KIF24: variants seen among roughly 807,000 people sequenced by gnomAD.
KIF24 encodes the protein kinesin-like protein KIF24.
A neutral mutation model predicts 118.9 loss-of-function variants in KIF24; 81 were observed. The observed-to-expected ratio is 0.68, with a 90% CI of 0.57 to 0.82. KIF24 has a LOEUF of 0.82. Among genes scored for constraint, KIF24 ranks in the 40% least tolerant of loss-of-function variants. The probability of loss-of-function intolerance (pLI) is 0.00; values close to 1 mark genes in which losing one functional copy is unlikely to be tolerated. For synonymous variants in KIF24, 599 were observed against 610.0 expected, an observed-to-expected ratio of 0.98 and a Z score of 0.27; for missense variants, 1,560 against 1,661.6, an observed-to-expected ratio of 0.94 and a Z score of 1.06.
At position 34,252,427 on chromosome 9, in the gene KIF24, C is replaced by A. The variant is rs1284330538; in HGVS notation, c.*1953G>T. ...TATTATGTTGTACATCATTAAAGAT[C>A]TAAATACAAAGGATATACAGTCTTG... On this transcript the variant is annotated 3_prime_UTR_variant, in exon 13 of 13. Transcript: ENST00000402558. The A allele has an allele frequency of 6.6e-6, 1 of 152,200 alleles. No individual in the cohort carries two copies. The highest frequency in any genetic ancestry group is 1.5e-5 in the Non-Finnish European group (1 of 68,014). The allele number at this position is 152,200 out of a possible 1,614,324, so 9.4% of individuals were successfully genotyped here.
At chr9:34,328,764 G>A (rs893935191) in intron 1 of KIF24, among the ~76,000 whole-genome samples, 1 of 152,206 alleles carries the variant, frequency 6.6e-6, no homozygotes, top group African/African-American at 2.4e-5. Flanking sequence ...CGGGCTTCCC[G>A]GAAGTAAACA....
Position 34,265,000 on chromosome 9 carries a change from T to C in KIF24, c.1444-1828A>G, listed in dbSNP as rs537976168. 3.3e-5 allele frequency among the ~76,000 whole-genome samples: 5 copies of C among 152,222 alleles called. No individual in the cohort carries two copies. In the East Asian group the frequency reaches 7.7e-4, roughly 23 times the overall value. On this transcript the variant is annotated intron_variant, in intron 8 of 12. Transcript: ENST00000402558. ...GTGCAAAATAGTGTTGAGAGTATGT[T>C]AGCATTTTTTCTAAGAAAAGGGGTG...
At chr9:34,291,793 A>T (rs1409888686) in intron 4 of KIF24, among the ~76,000 whole-genome samples, 2 of 146,766 alleles carry the variant, frequency 1.4e-5, no homozygotes, top group African/African-American at 2.5e-5. Context: ...GCTTGCAGCA[A>T]AAAAAAAAAA....
chr9:34,325,917 A>C (rs896085489), intron 1 of KIF24, among the ~76,000 whole-genome samples: 10 of 152,194 alleles, frequency 6.6e-5, no homozygotes, highest in Non-Finnish European at 8.8e-5. Context: ...AAATTATGCA[A>C]GTTTGTATTA....
chr9:34,325,057 C>A (rs1408985760), intron 1 of KIF24, among the ~76,000 whole-genome samples: 5 of 152,066 alleles, frequency 3.3e-5, no homozygotes, highest in Non-Finnish European at 7.4e-5. Context: ...ATGTGTCTTG[C>A]CCAGGCAGAG....
chr9:34,291,574 T>C (rs963238910), intron 4 of KIF24, among the ~76,000 whole-genome samples: 1 of 152,192 alleles, frequency 6.6e-6, no homozygotes. Context: ...ACACCCTTTA[T>C]GAGTGTGAAG....
chr9:34,272,474 T>A (rs1286059941), intron 6 of KIF24, among the ~76,000 whole-genome samples: 3 of 152,176 alleles, frequency 2.0e-5, no homozygotes, highest in African/African-American at 2.4e-5. Flanking sequence ...GAGTAAAGAC[T>A]AACAGGAGTC....
chr9:34,270,446 G>A (rs1165131976), intron 7 of KIF24, among the ~76,000 whole-genome samples: 1 of 151,412 alleles, frequency 6.6e-6, no homozygotes, highest in African/African-American at 2.4e-5. Flanking sequence ...AACCCGGGAG[G>A]CGGAGCTTGC....
rs529950775 is a variant in KIF24 at position 34,323,617 on chromosome 9, A to G, written c.-26+5489T>C. Among the ~76,000 whole-genome samples the G allele has an allele frequency of 1.3e-4, 20 of 152,360 alleles. 2 individuals are homozygous for G. The South Asian group carries it at 3.9e-3, about 30-fold the overall frequency. On this transcript the variant is annotated intron_variant, in intron 1 of 12. Coordinates refer to ENST00000402558, the MANE Select transcript of KIF24 (RefSeq NM_194313.4). ...AGTCATAAAATACTTTCAACAGAATATATTTCACATGTTCAATCAGAAAAA... is the reference window on the plus strand; with the variant it reads ...AGTCATAAAATACTTTCAACAGAATGTATTTCACATGTTCAATCAGAAAAA...
chr9:34,322,545 C>T (rs1341946015), intron 1 of KIF24, among the ~76,000 whole-genome samples: 2 of 151,898 alleles, frequency 1.3e-5, no homozygotes, highest in African/African-American at 4.8e-5. Context: ...GTCACTGGGC[C>T]CGCTGGACTA....
intron 1 of KIF24, among the ~76,000 whole-genome samples, chr9:34,321,773 A>AT (rs1837534193): frequency 6.6e-6 from 1 of 151,646 alleles, no homozygotes; most frequent in Non-Finnish European, 1.5e-5. Context: ...AACCTGACTA[A>AT]TTTTTTTATT....
At chr9:34,261,776 C>G (rs551241546) in intron 9 of KIF24, among the ~76,000 whole-genome samples, 21 of 152,266 alleles carry the variant, frequency 1.4e-4, no homozygotes, top group African/African-American at 4.8e-4. Flanking sequence ...GTCATCTTTC[C>G]TATCAGTACA....
At chr9:34,307,546 G>A (rs2131805528) in intron 2 of KIF24, among the ~76,000 whole-genome samples, 1 of 152,184 alleles carries the variant, frequency 6.6e-6, no homozygotes, top group Non-Finnish European at 1.5e-5. Flanking sequence ...AACTGCAGAT[G>A]GAATAAATAA....
chr9:34,257,265 A>G lies in KIF24; in HGVS notation c.2342T>C (p.Leu781Ser), dbSNP rs144374337. Residue 781 changes from leucine to serine, a missense_variant, in exon 11 of 13, where the codon TTA becomes TCA. Physicochemically the swap from Leu to Ser is moderately radical, Grantham distance 145. This residue lies in a region of KIF24 where 964 missense variants were observed against 988.0 expected (regional missense o/e 0.98). Transcript: ENST00000402558. ...AGACCTTTTCAGTGGTTGGTATTTT[A>G]ACTTCTGTTGGAGGAGAGGTGGCTG... is the stretch of plus-strand genomic sequence containing the variant. ...FQQPPLLQQKLKYQPLKRSLR... is the reference protein window; with the variant it reads ...FQQPPLLQQKSKYQPLKRSLR... 1 of 1,613,982 alleles carries G rather than the reference A, an allele frequency of 6.2e-7. No homozygotes were observed. The highest frequency in any genetic ancestry group is 2.2e-5 in the East Asian group (1 of 44,876).
Position 34,254,411 on chromosome 9 carries a change from G to T in KIF24, c.4076C>A (p.Thr1359Asn). Residue 1359 changes from threonine (T) to asparagine (N), a missense_variant, in exon 13 of 13, where the codon ACC becomes AAC. Physicochemically the swap from Thr to Asn is moderately conservative, Grantham distance 65. This residue lies in a region of KIF24 where 591 missense variants were observed against 655.6 expected (regional missense o/e 0.90). Coordinates refer to ENST00000402558, the MANE Select transcript of KIF24 (RefSeq NM_194313.4). Reference sequence around the variant, plus strand: ...CGGCACTGTTCCCTCAGGGGCTGCGGTGGGCCCGTGGCAGGTGAGATAGAG... The same window carrying T: ...CGGCACTGTTCCCTCAGGGGCTGCGTTGGGCCCGTGGCAGGTGAGATAGAG... ...LQLYLTCHGPTAAPEGTVPS is the reference protein window; with the variant it reads ...LQLYLTCHGPNAAPEGTVPS 6.2e-7 allele frequency: 1 copy of T among 1,613,802 alleles called. No homozygotes were observed. Among genetic ancestry groups the T allele is most frequent in the Non-Finnish European group, 8.5e-7 (1 of 1,179,880 alleles).
At chr9:34,320,658 C>CAAAAAAAAAAAAAAAA (rs68048466) in intron 1 of KIF24, among the ~76,000 whole-genome samples, 1 of 54,436 alleles carries the variant, frequency 1.8e-5, no homozygotes, top group East Asian at 6.7e-4. Context: ...AACTCCTTCT[C>CAAAAAAAAAAAAAAAA]AAAAAAAAAA....
upstream of KIF24, among the ~76,000 whole-genome samples, chr9:34,332,255 G>T (rs541846498): frequency 6.6e-6 from 1 of 152,298 alleles, no homozygotes; most frequent in South Asian, 2.1e-4. Context: ...TCCTCCCTTT[G>T]CTGGCAGTGC....
chr9:34,306,963 A>C (rs1836948642), intron 2 of KIF24, among the ~76,000 whole-genome samples: 2 of 152,156 alleles, frequency 1.3e-5, no homozygotes, highest in South Asian at 2.1e-4. Flanking sequence ...ACAACAACAA[A>C]AAACCAACCA....
At chr9:34,330,045 G>C (rs1458377671), upstream of KIF24, among the ~76,000 whole-genome samples, 1 of 152,220 alleles carries the variant, frequency 6.6e-6, no homozygotes, top group Non-Finnish European at 1.5e-5. Context: ...GGCAGTTATA[G>C]CAGAAGTAAA....
Sources: allele counts gnomAD v4.1 joint callset (sites outside exome capture counted in the v4.1 genomes callset), GRCh38; gene constraint gnomAD v4.1.1; regional missense constraint gnomAD v4.1.1; transcripts MANE v1.5; gene names NCBI Gene and HGNC (gene_info 2026-07-23, HGNC 2026-07-21).